Variants in PLPPR1 observed in about 807,000 individuals in gnomAD.
PLPPR1 encodes the protein phospholipid phosphatase related 1.
In PLPPR1, 10 loss-of-function variants were observed where a neutral mutation model predicts 33.1. The observed-to-expected ratio is 0.30, with a 90% confidence interval of 0.19 to 0.51. The LOEUF (loss-of-function observed/expected upper bound fraction) is 0.51, where lower values mean the gene tolerates loss of function less well. Among genes scored for constraint, PLPPR1 ranks in the 20% least tolerant of loss-of-function variants. The pLI, the probability that PLPPR1 is intolerant of heterozygous loss-of-function variation, is 0.97. For synonymous variants in PLPPR1, 151 were observed against 151.0 expected (o/e 1.00, Z 0.00); for missense variants, 304 against 408.1 (o/e 0.74, Z 2.20).
At chr9:101,132,576 A>C (rs557255091) in intron 1 of PLPPR1, among the ~76,000 whole-genome samples, 1 of 152,296 alleles carries the variant, frequency 6.6e-6, no homozygotes, top group African/African-American at 2.4e-5. Context: ...TGATACTATA[A>C]TGATGGATAC....
intron 2 of PLPPR1, among the ~76,000 whole-genome samples, chr9:101,268,619 T>C (rs910769454): frequency 3.3e-5 from 5 of 152,238 alleles, no homozygotes; most frequent in Admixed American, 2.0e-4. Context: ...GCTTTCACAC[T>C]AACCAGCTGT....
chr9:101,244,391 A>C lies in PLPPR1; in HGVS notation c.64-25489A>C, dbSNP rs1827542993. Among the ~76,000 whole-genome samples, 3 of 152,026 alleles carry C rather than the reference A, an allele frequency of 2.0e-5. 1 individual carries two copies. Among genetic ancestry groups the C allele is most frequent in the African/African-American group, 7.2e-5 (3 of 41,444 alleles). On this transcript the variant is annotated intron_variant, in intron 2 of 7. Transcript: ENST00000374874. ...AGATTCAGAAAGACGAAAAATAATT[A>C]ATAGGGTTACAAGAAAGCTAAATTA... is the stretch of plus-strand genomic sequence containing the variant.
intron 1 of PLPPR1, among the ~76,000 whole-genome samples, chr9:101,061,735 C>A (rs1210050990): frequency 6.6e-6 from 1 of 150,868 alleles, no homozygotes; most frequent in Non-Finnish European, 1.5e-5. Flanking sequence ...TATGCAGGGT[C>A]CTTAAAACAT....
At chr9:101,314,250 A>C (rs950989864) in intron 6 of PLPPR1, among the ~76,000 whole-genome samples, 2 of 152,210 alleles carry the variant, frequency 1.3e-5, no homozygotes, top group South Asian at 4.1e-4. Context: ...GGCATCACAC[A>C]TAGCTGGATT....
In PLPPR1 at chr9:101,080,742, G is replaced by C. The variant is rs530145307; in HGVS notation, c.-46+51640G>C. ...AGGTCTGAGCATTCAGTTTGTAAAT[G>C]CTCTATAATTCTATCGTTTTCAGTA... On this transcript the variant is annotated intron_variant, in intron 1 of 7. Coordinates refer to ENST00000374874, the MANE Select transcript of PLPPR1 (RefSeq NM_207299.2). Among the ~76,000 whole-genome samples the C allele has an allele frequency of 6.6e-5, 10 of 152,270 alleles. No individual in the cohort carries two copies. In the East Asian group the frequency reaches 1.7e-3, roughly 26 times the overall value.
At chr9:101,053,120 G>A (rs965146322) in intron 1 of PLPPR1, among the ~76,000 whole-genome samples, 3 of 152,128 alleles carry the variant, frequency 2.0e-5, no homozygotes, top group Non-Finnish European at 4.4e-5. Flanking sequence ...CAACTTGGAT[G>A]CCACACAGTA....
intron 2 of PLPPR1, among the ~76,000 whole-genome samples, chr9:101,192,222 G>A (rs909089875): frequency 2.0e-5 from 3 of 152,168 alleles, no homozygotes; most frequent in Non-Finnish European, 4.4e-5. Context: ...AAATTCAGCA[G>A]TGCTGACTGC....
intron 2 of PLPPR1, among the ~76,000 whole-genome samples, chr9:101,253,709 A>G (rs114796970): frequency 0.014 from 2,062 of 152,284 alleles, 40 homozygotes; most frequent in African/African-American, 0.045. Context: ...TTCTAAGTCT[A>G]TAGGATGCTA....
chr9:101,192,252 T>C, intron 2 of PLPPR1, among the ~76,000 whole-genome samples: 1 of 152,230 alleles, frequency 6.6e-6, no homozygotes, highest in Non-Finnish European at 1.5e-5. Context: ...GAGACTTAGA[T>C]TGCAACTCTT....
At chr9:101,120,798 C>T (rs1831170426) in intron 1 of PLPPR1, among the ~76,000 whole-genome samples, 1 of 152,174 alleles carries the variant, frequency 6.6e-6, no homozygotes, top group East Asian at 1.9e-4. Context: ...CCTATGAGGG[C>T]CTTCCTATTA....
At chr9:101,305,535 G>A (rs1828842851) in intron 4 of PLPPR1, among the ~76,000 whole-genome samples, 1 of 152,172 alleles carries the variant, frequency 6.6e-6, no homozygotes, top group South Asian at 2.1e-4. Flanking sequence ...GGCCTAAAAG[G>A]AACATGGTCC....
chr9:101,087,135 G>A (rs934256930), intron 1 of PLPPR1, among the ~76,000 whole-genome samples: 3 of 151,124 alleles, frequency 2.0e-5, no homozygotes, highest in Admixed American at 6.6e-5. Context: ...CCAAGACTGC[G>A]CCACTGTACT....
rs1289149139 is a variant in PLPPR1, at chr9:101,324,337, CGTT to C, written c.*284_*286del. 1.6e-5 allele frequency: 5 copies of C among 318,868 alleles called. No homozygotes were observed. Among genetic ancestry groups the C allele is most frequent in the Non-Finnish European group, 2.3e-5 (4 of 176,678 alleles). 19.8% of individuals were successfully genotyped at this position (318,868 alleles called of 1,614,324 possible). A position where few individuals can be genotyped will look rare whatever the true frequency, so the allele number is the denominator to read the frequency against. ...AGAACCACATTTATTCAATGGTTGA[CGTT>C]GTTTTGTGATATTTGTACACAAATT... On this transcript the variant is annotated 3_prime_UTR_variant, in exon 8 of 8. Transcript: ENST00000374874.
intron 4 of PLPPR1, among the ~76,000 whole-genome samples, chr9:101,287,858 G>T (rs1490832698): frequency 6.6e-6 from 1 of 151,976 alleles, no homozygotes; most frequent in Non-Finnish European, 1.5e-5. Context: ...CAGGAAATGG[G>T]GTAAAGTAAC....
chr9:101,083,936 G>T (rs1160377092), intron 1 of PLPPR1, among the ~76,000 whole-genome samples: 2 of 152,198 alleles, frequency 1.3e-5, no homozygotes, highest in African/African-American at 4.8e-5. Flanking sequence ...CTGTAAGGAG[G>T]ATGCAGTTTA....
At position 101,164,933 on chromosome 9, in the gene PLPPR1, A is replaced by G. The variant is rs951114963; in HGVS notation, c.-45-20517A>G. The stretch of plus-strand genomic sequence containing the variant: ...GAGTCTTTTGCAGATATGAGAGGGG[A>G]GGGGGTTGGAGGTGAGAGGAGAGGG... On this transcript the variant is annotated intron_variant, in intron 1 of 7. Coordinates refer to ENST00000374874, the MANE Select transcript of PLPPR1 (RefSeq NM_207299.2). Among the ~76,000 whole-genome samples the G allele has an allele frequency of 6.6e-5, 10 of 151,860 alleles. No homozygotes were observed. In the East Asian group the frequency reaches 1.7e-3, roughly 26 times the overall value.
intron 1 of PLPPR1, among the ~76,000 whole-genome samples, chr9:101,138,397 T>C (rs948257088): frequency 7.2e-5 from 11 of 152,216 alleles, no homozygotes; most frequent in Non-Finnish European, 1.3e-4. Context: ...AGGTGTTTTA[T>C]ATCTATCTAT....
At chr9:101,192,988 A>T (rs2987734) in intron 2 of PLPPR1, among the ~76,000 whole-genome samples, 108,717 of 152,054 alleles carry the variant, frequency 0.71, 39,431 homozygotes, top group Non-Finnish European at 0.78. Context: ...CTAAGTTCTA[A>T]AATGAGCTAT....
At position 101,324,224 on chromosome 9, in the gene PLPPR1, A is replaced by AT. The variant is rs10560929; in HGVS notation, c.*185dup. ...TGAGGAAGTGATGTAGCTTGCCCTG[A>AT]TTTTTTTTTTTTTTTTTTGGTCAGC... On this transcript the variant is annotated 3_prime_UTR_variant, in exon 8 of 8. Coordinates refer to ENST00000374874, the MANE Select transcript of PLPPR1 (RefSeq NM_207299.2). 12,884 of 356,576 alleles carry AT rather than the reference A, an allele frequency of 0.036. 13 individuals carry two copies. Among genetic ancestry groups the AT allele is most frequent in the East Asian group, 0.054 (1,302 of 23,966 alleles). 22.1% of individuals were successfully genotyped at this position (356,576 alleles called of 1,614,324 possible).
Sources: gnomAD v4.1 joint callset for allele counts (sites outside exome capture counted in the v4.1 genomes callset) on GRCh38, gnomAD v4.1.1 for gene constraint, MANE v1.5 for transcripts, NCBI Gene and HGNC (gene_info 2026-07-23, HGNC 2026-07-21) for gene names.